Variants in MS4A4A observed in about 807,000 individuals in gnomAD.
MS4A4A encodes membrane spanning 4-domains A4A.
A neutral mutation model predicts 28.0 loss-of-function variants in MS4A4A; 26 were observed. The ratio of observed to expected loss-of-function variants is 0.93; its 90% CI spans 0.68 to 1.29. The LOEUF (loss-of-function observed/expected upper bound fraction) is 1.29. MS4A4A is among the 50% of genes most tolerant of loss of function. The pLI, the probability that MS4A4A is intolerant of heterozygous loss-of-function variation, is 0.00. For missense variants in MS4A4A, 290 were observed against 293.1 expected (o/e 0.99, Z 0.08); for synonymous variants, 86 against 100.8 (o/e 0.85, Z 0.88).
In MS4A4A at chr11:60,307,390, C is replaced by G. The variant is rs150674863; in HGVS notation, c.649-717C>G. Among the ~76,000 whole-genome samples the G allele has an allele frequency of 6.2e-3, 942 of 152,280 alleles. 8 individuals are homozygous for G. The highest frequency in any genetic ancestry group is 0.021 in the African/African-American group (875 of 41,560). On this transcript the variant is annotated intron_variant, in intron 6 of 6. Transcript: ENST00000337908. ...TGTAAAACCTGAGAAGGGAGAGATT[C>G]TCAGCAATTACCAATGATTTTATAA...
chr11:60,308,181 C>A lies in MS4A4A; in HGVS notation c.*3C>A, dbSNP rs934723562. On this transcript the variant is annotated 3_prime_UTR_variant, in exon 7 of 7. Coordinates refer to ENST00000337908, the MANE Select transcript of MS4A4A (RefSeq NM_148975.3). ...CCACACCACTTAATGAGGTTTGAGG[C>A]CACCAAAAGATCAACAGACAAATGC... is the stretch of plus-strand genomic sequence containing the variant. 2 of 1,612,702 alleles carry A rather than the reference C, an allele frequency of 1.2e-6. No homozygotes were observed. The highest frequency in any genetic ancestry group is 2.7e-5 in the African/African-American group (2 of 74,870).
chr11:60,283,204 T>C (rs11230232), intron 1 of MS4A4A, among the ~76,000 whole-genome samples: 16,202 of 152,082 alleles, frequency 0.11, 916 homozygotes, highest in Middle Eastern at 0.15. Context: ...GTAGCTGGGA[T>C]TACAGGCGCC....
intron 2 of MS4A4A, among the ~76,000 whole-genome samples, chr11:60,295,061 TCTA>T (rs2084894454): frequency 6.6e-6 from 1 of 152,134 alleles, no homozygotes. Context: ...TTGTATTAAA[TCTA>T]CTGATCAAGT....
intron 2 of MS4A4A, among the ~76,000 whole-genome samples, chr11:60,295,398 C>T (rs1213736502): frequency 1.3e-5 from 2 of 151,906 alleles, no homozygotes; most frequent in African/African-American, 4.8e-5. Flanking sequence ...TTGGTTGATT[C>T]TTTCAGATTT....
At position 60,308,363 on chromosome 11, in the gene MS4A4A, C is replaced by T. The variant is rs1303648134; in HGVS notation, c.*185C>T. ...GATAATAAATTCAAAATTATGTTCT[C>T]ATTTTTTTCCCTGGAACTCAATAAC... is the stretch of plus-strand genomic sequence containing the variant. On this transcript the variant is annotated 3_prime_UTR_variant, in exon 7 of 7. Transcript: ENST00000337908. The T allele has an allele frequency of 9.5e-6, 5 of 524,016 alleles. No homozygotes were observed. In the South Asian group the frequency reaches 1.4e-4, roughly 15 times the overall value. 32.5% of individuals were successfully genotyped at this position (524,016 alleles called of 1,614,324 possible).
In MS4A4A at chr11:60,305,788, C is replaced by G. The variant is rs547805231; in HGVS notation, c.547-312C>G. The G allele has an allele frequency of 3.9e-5, 10 of 257,288 alleles. No homozygotes were observed. In the South Asian group the frequency reaches 9.2e-4, roughly 24 times the overall value. 15.9% of individuals were successfully genotyped at this position (257,288 alleles called of 1,614,324 possible). On this transcript the variant is annotated intron_variant, in intron 5 of 6. Coordinates refer to ENST00000337908, the MANE Select transcript of MS4A4A (RefSeq NM_148975.3). ...TTCTCAATGATATGAGTTTCTAGTACTCAATAGGATATGATGACAATTATC... is the reference window on the plus strand; with the variant it reads ...TTCTCAATGATATGAGTTTCTAGTAGTCAATAGGATATGATGACAATTATC...
intron 5 of MS4A4A, among the ~76,000 whole-genome samples, chr11:60,303,083 G>T (rs1447303851): frequency 6.6e-6 from 1 of 152,100 alleles, no homozygotes; most frequent in East Asian, 1.9e-4. Context: ...CTCTAATAAT[G>T]AAGTAAAATT....
Position 60,308,261 on chromosome 11 carries a change from A to G in MS4A4A, c.*83A>G. On this transcript the variant is annotated 3_prime_UTR_variant, in exon 7 of 7. Coordinates refer to ENST00000337908, the MANE Select transcript of MS4A4A (RefSeq NM_148975.3). ...GAGCCTCACATGAGAAATTACCAGT[A>G]TCCAACTTCGATACTGATAGACTTG... The G allele has an allele frequency of 7.7e-7, 1 of 1,297,812 alleles. No homozygotes were observed. The highest frequency in any genetic ancestry group is 1.2e-5 in the South Asian group (1 of 82,342). 80.4% of individuals were successfully genotyped at this position (1,297,812 alleles called of 1,614,324 possible).
In MS4A4A at chr11:60,297,075, T is replaced by A. The variant is rs182539905; in HGVS notation, c.202-122T>A. On this transcript the variant is annotated intron_variant, in intron 2 of 6. Coordinates refer to ENST00000337908, the MANE Select transcript of MS4A4A (RefSeq NM_148975.3). Reference sequence around the variant, plus strand: ...TGAAAAAAGAGTGATAAGAGAATACTAAGAAGGTCATATGACTATCAAATG... The same window carrying A: ...TGAAAAAAGAGTGATAAGAGAATACAAAGAAGGTCATATGACTATCAAATG... 1.7e-5 allele frequency: 20 copies of A among 1,171,144 alleles called. No homozygotes were observed. In the East Asian group the frequency reaches 4.8e-4, roughly 28 times the overall value. 72.5% of individuals were successfully genotyped at this position (1,171,144 alleles called of 1,614,324 possible).
chr11:60,296,253 C>T lies in MS4A4A; in HGVS notation c.202-944C>T, dbSNP rs144237382. Reference sequence around the variant, plus strand: ...TTTATCAAGGCTATCAAACTGTGGGCGTAGAATTGTTCATAACATTATTTT... The same window carrying T: ...TTTATCAAGGCTATCAAACTGTGGGTGTAGAATTGTTCATAACATTATTTT... On this transcript the variant is annotated intron_variant, in intron 2 of 6. Transcript: ENST00000337908. Among the ~76,000 whole-genome samples the T allele has an allele frequency of 9.8e-3, 1,497 of 151,980 alleles. 23 individuals carry two copies. The highest frequency in any genetic ancestry group is 0.03 in the African/African-American group (1,232 of 41,506).
At chr11:60,304,810 T>C (rs1030075543) in intron 5 of MS4A4A, among the ~76,000 whole-genome samples, 8 of 152,216 alleles carry the variant, frequency 5.3e-5, no homozygotes, top group African/African-American at 1.4e-4. Context: ...AAGCTTGCCG[T>C]CTTCTAGTCT....
In MS4A4A at chr11:60,308,375, T is replaced by C. The variant is rs1023121781; in HGVS notation, c.*197T>C. ...AAAATTATGTTCTCATTTTTTTCCC[T>C]GGAACTCAATAACTCATTTCACTGG... is the stretch of plus-strand genomic sequence containing the variant. On this transcript the variant is annotated 3_prime_UTR_variant, in exon 7 of 7. Coordinates refer to ENST00000337908, the MANE Select transcript of MS4A4A (RefSeq NM_148975.3). 3 of 506,018 alleles carry C rather than the reference T, an allele frequency of 5.9e-6. No homozygotes were observed. Among genetic ancestry groups the C allele is most frequent in the Non-Finnish European group, 1.0e-5 (3 of 291,042 alleles). 31.3% of individuals were successfully genotyped at this position (506,018 alleles called of 1,614,324 possible). A position where few individuals can be genotyped will look rare whatever the true frequency, so the allele number is the denominator to read the frequency against.
intron 5 of MS4A4A, among the ~76,000 whole-genome samples, chr11:60,305,381 G>A (rs973662872): frequency 1.3e-5 from 2 of 152,194 alleles, no homozygotes; most frequent in African/African-American, 4.8e-5. Context: ...GTGTTGGCAA[G>A]GCCATACTCC....
At chr11:60,292,439 G>T in intron 2 of MS4A4A, 55 bp downstream of exon 2, 1 of 1,494,678 alleles carries the variant, frequency 6.7e-7, no homozygotes, top group South Asian at 1.4e-5. Context: ...TATTTCATAA[G>T]ACCTAATGCC....
At chr11:60,295,802 G>T (rs1443729936) in intron 2 of MS4A4A, among the ~76,000 whole-genome samples, 1 of 151,994 alleles carries the variant, frequency 6.6e-6, no homozygotes, top group East Asian at 1.9e-4. Context: ...TCGGTTTTTT[G>T]AATGTATAGT....
rs952763205 is a variant in MS4A4A, at chr11:60,302,617, T to C, written c.446T>C (p.Leu149Ser). ...TCTGTACTGGCTGCATCAGGGATCT[T>C]AATCAACACATTTAGCTTGGCGTTT... ...TSSVLAASGI[L>S]INTFSLAFYS... The change falls in exon 5 of 7, where the codon TTA (leucine) becomes TCA (serine). Residue 149 changes from leucine (L) to serine (S), a missense_variant. Leu to Ser is a moderately radical substitution (Grantham distance 145). Transcript: ENST00000337908. The C allele has an allele frequency of 1.2e-6, 2 of 1,614,026 alleles. No homozygotes were observed. The highest frequency in any genetic ancestry group is 1.7e-6 in the Non-Finnish European group (2 of 1,180,018).
rs1427808218 is a variant in MS4A4A at position 60,306,190 on chromosome 11, A to AC, written c.641dup (p.Gly215TrpfsTer23). On this transcript the variant is annotated frameshift_variant, in exon 6 of 7. Transcript: ENST00000337908. LOFTEE classifies it high-confidence loss of function. ...CTTTGGATGTAAAGTGCTCTGTTGT[A>AC]CCCCTGGTGGGGTGAGTATTGGCCT... 1.2e-6 allele frequency: 2 copies of AC among 1,613,008 alleles called. No homozygotes were observed. Among genetic ancestry groups the AC allele is most frequent in the Non-Finnish European group, 1.7e-6 (2 of 1,179,222 alleles).
chr11:60,306,918 C>A (rs1312508963), intron 6 of MS4A4A, among the ~76,000 whole-genome samples: 1 of 152,194 alleles, frequency 6.6e-6, no homozygotes, highest in Non-Finnish European at 1.5e-5. Context: ...CCCACCTGCC[C>A]ACTCTTTTAC....
intron 1 of MS4A4A, among the ~76,000 whole-genome samples, chr11:60,281,031 AACCTTTGACTAGTT>A (rs2084751195): frequency 6.6e-6 from 1 of 152,178 alleles, no homozygotes; most frequent in Non-Finnish European, 1.5e-5. Context: ...CAACATTTTA[AACCTTTGACTAGTT>A]ACCTCATCTA....
Sources: allele counts gnomAD v4.1 joint callset (sites outside exome capture counted in the v4.1 genomes callset), GRCh38; gene constraint gnomAD v4.1.1; transcripts MANE v1.5; gene names NCBI Gene and HGNC (gene_info 2026-07-23, HGNC 2026-07-21).